The following APBB1IP variants were observed in gnomAD, a reference collection of about 807,000 sequenced individuals.
APBB1IP encodes amyloid beta A4 precursor protein-binding family B member 1-interacting protein.
APBB1IP carries 27 observed loss-of-function variants against 64.9 expected under a neutral mutation model. The ratio of observed to expected loss-of-function variants is 0.42; its 90% confidence interval spans 0.31 to 0.57. The LOEUF is 0.57. Ranked by LOEUF, APBB1IP falls within the 20% of genes least tolerant of loss-of-function variation. APBB1IP has a pLI of 0.20. For missense variants in APBB1IP, 812 were observed against 845.5 expected, an observed-to-expected ratio of 0.96 and a Z score of 0.49; for synonymous variants, 392 against 331.0, an observed-to-expected ratio of 1.18 and a Z score of -2.00.
intron 11 of APBB1IP, among the ~76,000 whole-genome samples, chr10:26,559,416 C>T (rs985711954): frequency 2.6e-5 from 4 of 150,964 alleles, no homozygotes; most frequent in Admixed American, 1.3e-4. Context: ...AAAAAAACAA[C>T]GTTTTTTTCA....
chr10:26,463,980 A>T (rs1177143920), intron 2 of APBB1IP, among the ~76,000 whole-genome samples: 2 of 152,136 alleles, frequency 1.3e-5, no homozygotes, highest in African/African-American at 4.8e-5. Flanking sequence ...CTTATGAGTG[A>T]GAACAGGACC....
chr10:26,503,057 A>G (rs1204697341), intron 5 of APBB1IP, 140 bp from the exon 6 acceptor site: 2 of 716,822 alleles, frequency 2.8e-6, no homozygotes, highest in Non-Finnish European at 2.3e-6. Context: ...AAAAGTAATT[A>G]ATAAATTCTG....
At chr10:26,499,649 C>G (rs1293654363) in intron 4 of APBB1IP, among the ~76,000 whole-genome samples, 1 of 152,100 alleles carries the variant, frequency 6.6e-6, no homozygotes, top group Non-Finnish European at 1.5e-5. Context: ...AAGTACTCCA[C>G]CAAGACTACT....
chr10:26,552,780 A>G (rs1284652873), intron 11 of APBB1IP, among the ~76,000 whole-genome samples: 2 of 152,120 alleles, frequency 1.3e-5, no homozygotes, highest in African/African-American at 4.8e-5. Flanking sequence ...TCCTATCTCC[A>G]ACGTGGCCTC....
intron 6 of APBB1IP, among the ~76,000 whole-genome samples, chr10:26,510,490 T>C (rs938134345): frequency 6.6e-6 from 1 of 152,126 alleles, no homozygotes; most frequent in Non-Finnish European, 1.5e-5. Context: ...CCCAGCACTT[T>C]AGGCCGGTGA....
In APBB1IP at chr10:26,525,524, G is replaced by T. The variant is rs556736763; in HGVS notation, c.814-7915G>T. ...ACAGAGACTCTCTTGCACAGGGGAT[G>T]TGGTCTCTTTTGGGAAAGTGGGCCG... On this transcript the variant is annotated intron_variant, in intron 8 of 14. Coordinates refer to ENST00000376236, the MANE Select transcript of APBB1IP (RefSeq NM_019043.4). Among the ~76,000 whole-genome samples, 8 of 152,188 alleles carry T rather than the reference G, an allele frequency of 5.3e-5. No individual in the cohort carries two copies. In the East Asian group the frequency reaches 1.5e-3, roughly 29 times the overall value.
chr10:26,541,123 G>A (rs1323003779), intron 10 of APBB1IP, among the ~76,000 whole-genome samples: 1 of 151,970 alleles, frequency 6.6e-6, no homozygotes, highest in African/African-American at 2.4e-5. Flanking sequence ...CTTTCACTCC[G>A]TTTCTGGGTC....
chr10:26,495,612 TAA>T (rs112502113), intron 3 of APBB1IP, among the ~76,000 whole-genome samples: 8 of 139,416 alleles, frequency 5.7e-5, no homozygotes, highest in East Asian at 2.1e-4. Context: ...TCATTTTTGT[TAA>T]AAAAAAAAAA....
intron 2 of APBB1IP, among the ~76,000 whole-genome samples, chr10:26,465,897 T>C (rs1190300146): frequency 6.6e-6 from 1 of 152,214 alleles, no homozygotes; most frequent in Non-Finnish European, 1.5e-5. Flanking sequence ...GGATAATTTG[T>C]TACACTTATC....
chr10:26,458,186 G>C (rs1468811294), intron 2 of APBB1IP, among the ~76,000 whole-genome samples: 1 of 152,188 alleles, frequency 6.6e-6, no homozygotes, highest in African/African-American at 2.4e-5. Flanking sequence ...TCAGGAGTTT[G>C]AGACTAGCTG....
chr10:26,552,984 A>T (rs1836850538), intron 11 of APBB1IP, among the ~76,000 whole-genome samples: 1 of 151,812 alleles, frequency 6.6e-6, no homozygotes. Context: ...TTTAACTCAG[A>T]CTTCCTGAGA....
chr10:26,500,512 C>T (rs1317227631), intron 4 of APBB1IP, among the ~76,000 whole-genome samples: 4 of 152,174 alleles, frequency 2.6e-5, no homozygotes, highest in Non-Finnish European at 4.4e-5. Context: ...GGCATCTATT[C>T]GTGTGCTTGG....
At chr10:26,555,909 C>T (rs1836889163) in intron 11 of APBB1IP, among the ~76,000 whole-genome samples, 1 of 152,178 alleles carries the variant, frequency 6.6e-6, no homozygotes, top group Admixed American at 6.5e-5. Flanking sequence ...TCTCTTACTC[C>T]TCTTAATGTA....
Position 26,560,180 on chromosome 10 carries a change from G to A in APBB1IP, c.1231G>A (p.Val411Ile), listed in dbSNP as rs113690931. 2 of 1,614,114 alleles carry A rather than the reference G, an allele frequency of 1.2e-6. No individual in the cohort carries two copies. Among genetic ancestry groups the A allele is most frequent in the Non-Finnish European group, 1.7e-6 (2 of 1,179,998 alleles). Residue 411 changes from valine (V) to isoleucine (I), a missense_variant, in exon 12 of 15, where the codon GTC becomes ATC. By Grantham distance (29) the Val-to-Ile change is conservative (BLOSUM62 3). Coordinates refer to ENST00000376236, the MANE Select transcript of APBB1IP (RefSeq NM_019043.4). ...TGACACAAGAACCCTTAACCAGTGG[G>A]TCATGGGAATACGGATAGCCAAGGT... ...CDDTRTLNQWVMGIRIAKYGK... is the reference protein window; with the variant it reads ...CDDTRTLNQWIMGIRIAKYGK...
chr10:26,558,167 ACG>A (rs10689050), intron 11 of APBB1IP, among the ~76,000 whole-genome samples: 2 of 150,348 alleles, frequency 1.3e-5, no homozygotes, highest in East Asian at 4.0e-4. Context: ...ACACACACAC[ACG>A]ATGCTTGTGG....
intron 3 of APBB1IP, among the ~76,000 whole-genome samples, chr10:26,494,158 A>G (rs1835991739): frequency 6.6e-6 from 1 of 152,230 alleles, no homozygotes; most frequent in Non-Finnish European, 1.5e-5. Flanking sequence ...GTAAGAACTC[A>G]GTACCCTCAA....
intron 8 of APBB1IP, among the ~76,000 whole-genome samples, chr10:26,526,646 G>C (rs890250140): frequency 6.6e-6 from 1 of 152,024 alleles, no homozygotes; most frequent in Non-Finnish European, 1.5e-5. Context: ...TTGAACCCGG[G>C]AGGCGGAAGT....
chr10:26,533,599 A>C, intron 9 of APBB1IP, 74 bp downstream of exon 9: 1 of 979,906 alleles, frequency 1.0e-6, no homozygotes, highest in Non-Finnish European at 1.4e-6. Flanking sequence ...GCTTCCGAGA[A>C]CAATGGAAAA....
intron 2 of APBB1IP, among the ~76,000 whole-genome samples, chr10:26,486,788 G>T (rs1405682059): frequency 2.6e-5 from 4 of 152,142 alleles, no homozygotes; most frequent in Non-Finnish European, 4.4e-5. Flanking sequence ...ACATAGTTTT[G>T]AAATGTATCC....
Sources: allele counts gnomAD v4.1 joint callset (sites outside exome capture counted in the v4.1 genomes callset), GRCh38; gene constraint gnomAD v4.1.1; transcripts MANE v1.5; gene names NCBI Gene and HGNC (gene_info 2026-07-23, HGNC 2026-07-21).